GPR141: variants seen among roughly 807,000 people sequenced by gnomAD.
GPR141 encodes G protein-coupled receptor 141.
In GPR141, 6 loss-of-function variants were observed where a neutral mutation model predicts 6.8. The observed-to-expected ratio is 0.88, with a 90% CI of 0.48 to 1.74. The LOEUF (loss-of-function observed/expected upper bound fraction) is 1.74, where lower values mean the gene tolerates loss of function less well. GPR141 is among the 40% of genes most tolerant of loss of function. GPR141 has a pLI of 0.01. For missense variants in GPR141, 372 were observed against 372.9 expected (o/e 1.00, Z 0.02); for synonymous variants, 140 against 142.3 (o/e 0.98, Z 0.11).
chr7:37,740,885 G>C lies in GPR141; in HGVS notation c.492G>C (p.Glu164Asp), dbSNP rs201057852. 1.2e-6 allele frequency: 2 copies of C among 1,614,008 alleles called. No individual in the cohort carries two copies. The highest frequency in any genetic ancestry group is 4.5e-5 in the East Asian group (2 of 44,886). ...RYGIHEEYNE[E>D]HCFKFHKELA... ...GAATCCATGAGGAATACAATGAGGA[G>C]CACTGTTTTAAATTTCACAAAGAGC... Residue 164 changes from glutamate (E) to aspartate (D), a missense_variant, in exon 3 of 3, where the codon GAG becomes GAC. Glu to Asp is a conservative substitution (Grantham distance 45). Coordinates refer to ENST00000334425, the MANE Select transcript of GPR141 (RefSeq NM_001381946.1).
intron 2 of GPR141, among the ~76,000 whole-genome samples, chr7:37,710,681 TG>T (rs1273727744): frequency 2.0e-5 from 3 of 152,196 alleles, no homozygotes; most frequent in African/African-American, 7.2e-5. Flanking sequence ...TAGTGGGAAA[TG>T]GTATTTAAAT....
intron 2 of GPR141, among the ~76,000 whole-genome samples, chr7:37,716,654 A>T (rs993550970): frequency 2.6e-5 from 4 of 152,234 alleles, no homozygotes; most frequent in Admixed American, 2.6e-4. Context: ...GGACAAAAGT[A>T]TAATTTCTTG....
chr7:37,713,142 C>T (rs924676465), intron 2 of GPR141, among the ~76,000 whole-genome samples: 20 of 152,188 alleles, frequency 1.3e-4, no homozygotes, highest in African/African-American at 4.3e-4. Context: ...GTACATTATG[C>T]TCCTACAGTG....
chr7:37,715,322 A>G (rs28606439), intron 2 of GPR141, among the ~76,000 whole-genome samples: 51,018 of 151,888 alleles, frequency 0.34, 8,720 homozygotes, highest in Middle Eastern at 0.39. Context: ...TAGAGAAAGG[A>G]TCTTACTATG....
intron 2 of GPR141, among the ~76,000 whole-genome samples, chr7:37,699,120 A>G (rs1345752205): frequency 6.6e-6 from 1 of 152,164 alleles, no homozygotes; most frequent in East Asian, 1.9e-4. Context: ...ATAATAGAAA[A>G]CATACTTTGA....
chr7:37,730,369 C>G (rs1417458683), intron 2 of GPR141, among the ~76,000 whole-genome samples: 1 of 152,158 alleles, frequency 6.6e-6, no homozygotes, highest in Non-Finnish European at 1.5e-5. Context: ...ATCCTGGGCA[C>G]CTTGTAAGCT....
chr7:37,713,764 A>T (rs538354505), intron 2 of GPR141, among the ~76,000 whole-genome samples: 7 of 152,196 alleles, frequency 4.6e-5, no homozygotes, highest in Non-Finnish European at 1.0e-4. Context: ...CGTGACTGAG[A>T]CGTTATTTCT....
intron 2 of GPR141, among the ~76,000 whole-genome samples, chr7:37,737,539 A>G (rs1387683154): frequency 2.0e-5 from 3 of 152,244 alleles, no homozygotes; most frequent in Admixed American, 6.5e-5. Context: ...GTAGCCCAAC[A>G]CAAATTTGTA....
At chr7:37,712,513 C>T (rs1223973182) in intron 2 of GPR141, among the ~76,000 whole-genome samples, 1 of 152,162 alleles carries the variant, frequency 6.6e-6, no homozygotes, top group Non-Finnish European at 1.5e-5. Flanking sequence ...ATTTACTCCT[C>T]ACACTACCTG....
intron 2 of GPR141, among the ~76,000 whole-genome samples, chr7:37,698,569 A>T (rs1293733141): frequency 6.6e-6 from 1 of 152,148 alleles, no homozygotes; most frequent in Non-Finnish European, 1.5e-5. Flanking sequence ...GGGATTTGCT[A>T]TGTATTGGAT....
chr7:37,693,774 C>A (rs988211612), intron 2 of GPR141, among the ~76,000 whole-genome samples: 1 of 152,168 alleles, frequency 6.6e-6, no homozygotes, highest in East Asian at 1.9e-4. Flanking sequence ...GCTAGTCCAA[C>A]TCCAGGGAAG....
At chr7:37,724,852 A>G (rs1361239701) in intron 2 of GPR141, among the ~76,000 whole-genome samples, 4 of 152,144 alleles carry the variant, frequency 2.6e-5, no homozygotes, top group Non-Finnish European at 5.9e-5. Flanking sequence ...CTTAAAGCAT[A>G]GTTCTCTTGA....
chr7:37,740,351 C>G, intron 2 of GPR141, 29 bp from the exon 3 acceptor site: 1 of 1,396,134 alleles, frequency 7.2e-7, no homozygotes, highest in South Asian at 1.3e-5. Flanking sequence ...GAAAGCTTGT[C>G]AGTTACTCTG....
chr7:37,710,709 A>C (rs1810755047), intron 2 of GPR141, among the ~76,000 whole-genome samples: 1 of 152,216 alleles, frequency 6.6e-6, no homozygotes. Context: ...CCACAGTCTG[A>C]GTGCCAGGGA....
intron 2 of GPR141, among the ~76,000 whole-genome samples, chr7:37,708,607 C>A (rs1323690859): frequency 6.6e-6 from 1 of 152,054 alleles, no homozygotes; most frequent in Non-Finnish European, 1.5e-5. Flanking sequence ...GGAAGAGGCA[C>A]ATAACTCCAA....
rs1812604215 is a variant in GPR141 at position 37,742,301 on chromosome 7, A to G, written c.*990A>G. Among the ~76,000 whole-genome samples, 1 of 152,010 alleles carries G rather than the reference A, an allele frequency of 6.6e-6. No homozygotes were observed. Among genetic ancestry groups the G allele is most frequent in the South Asian group, 2.1e-4 (1 of 4,834 alleles). ...TCTGGGGTACATGTGCAGAATGTGC[A>G]GGTTTGTTACATAGGTATACACGTG... On this transcript the variant is annotated 3_prime_UTR_variant, in exon 3 of 3. Coordinates refer to ENST00000334425, the MANE Select transcript of GPR141 (RefSeq NM_001381946.1).
chr7:37,740,072 G>A (rs1381646678), intron 2 of GPR141, among the ~76,000 whole-genome samples: 1 of 152,046 alleles, frequency 6.6e-6, no homozygotes, highest in African/African-American at 2.4e-5. Flanking sequence ...CCAAGTACTA[G>A]CTCCAGATGG....
chr7:37,714,137 C>T (rs1388728552), intron 2 of GPR141, among the ~76,000 whole-genome samples: 1 of 151,944 alleles, frequency 6.6e-6, no homozygotes, highest in Admixed American at 6.6e-5. Flanking sequence ...GTGTTAGTGC[C>T]ATCTCTTTTT....
At chr7:37,728,002 C>A (rs1028075012) in intron 2 of GPR141, among the ~76,000 whole-genome samples, 1 of 152,164 alleles carries the variant, frequency 6.6e-6, no homozygotes, top group Admixed American at 6.5e-5. Flanking sequence ...GGTAATTCCC[C>A]GAATGTGCAT....
Sources: gnomAD v4.1 joint callset for allele counts (sites outside exome capture counted in the v4.1 genomes callset) on GRCh38, gnomAD v4.1.1 for gene constraint, MANE v1.5 for transcripts, NCBI Gene and HGNC (gene_info 2026-07-23, HGNC 2026-07-21) for gene names.